EHBP1: variants seen among roughly 807,000 people sequenced by gnomAD.
The protein encoded by EHBP1 is EH domain binding protein 1.
Under a neutral mutation model 144.0 loss-of-function variants are expected in EHBP1, and 55 were observed. That is an observed-to-expected ratio of 0.38 (90% confidence interval 0.31 to 0.48). The LOEUF is 0.48. Ranked by LOEUF, EHBP1 falls within the 20% of genes least tolerant of loss-of-function variation. The pLI is 0.98. For missense variants in EHBP1, 1,200 were observed against 1,364.2 expected (o/e 0.88, Z 1.90); for synonymous variants, 469 against 472.7 (o/e 0.99, Z 0.10).
chr2:63,032,003 C>T (rs187475566), intron 19 of EHBP1, among the ~76,000 whole-genome samples: 2 of 151,918 alleles, frequency 1.3e-5, no homozygotes, highest in African/African-American at 4.8e-5. Context: ...TATTTTTTTC[C>T]GTAATGACTA....
chr2:62,695,956 T>TCCTG (rs201613251), intron 1 of EHBP1, among the ~76,000 whole-genome samples: 4,724 of 152,188 alleles, frequency 0.031, 116 homozygotes, highest in Middle Eastern at 0.095. Context: ...TAAGTGATCC[T>TCCTG]CCTGCCTCAG....
intron 10 of EHBP1, among the ~76,000 whole-genome samples, chr2:62,935,365 A>ATC (rs1553479037): frequency 1.1e-4 from 16 of 146,046 alleles, no homozygotes; most frequent in Non-Finnish European, 1.2e-4. Context: ...ATATATATAT[A>ATC]TCCATCTCTT....
At chr2:62,817,014 A>G (rs548340983) in intron 5 of EHBP1, among the ~76,000 whole-genome samples, 43 of 152,330 alleles carry the variant, frequency 2.8e-4, no homozygotes, top group African/African-American at 9.1e-4. Flanking sequence ...GAGAGGTATT[A>G]TAAAGGAATG....
intron 5 of EHBP1, among the ~76,000 whole-genome samples, chr2:62,819,415 G>A (rs886927980): frequency 5.9e-5 from 9 of 152,258 alleles, no homozygotes; most frequent in African/African-American, 1.7e-4. Flanking sequence ...TATTGTGCAT[G>A]TGTACCAGGA....
At position 63,045,444 on chromosome 2, in the gene EHBP1, C is replaced by G; in HGVS notation, c.3427C>G (p.Leu1143Val). Residue 1143 changes from leucine (L) to valine (V), a missense_variant, in exon 23 of 23, where the codon CTG becomes GTG. Coordinates refer to ENST00000431489, the MANE Select transcript of EHBP1 (RefSeq NM_001142616.3). This position sits in a 1 kb window ranked among gnomAD's most constrained non-coding sequence, Gnocchi z 5.7. ...AGAAGATGAGCATTTGGAGCGAACT[C>G]TGGAGCAAAACAAAGGCAAGATGGC... ...EEEDEHLERTLEQNKGKMAKK... is the reference protein window; with the variant it reads ...EEEDEHLERTVEQNKGKMAKK... 2 of 1,614,182 alleles carry G rather than the reference C, an allele frequency of 1.2e-6. No individual in the cohort carries two copies. The highest frequency in any genetic ancestry group is 1.3e-5 in the African/African-American group (1 of 75,056).
intron 5 of EHBP1, among the ~76,000 whole-genome samples, chr2:62,825,822 C>T (rs1161236613): frequency 1.3e-5 from 2 of 151,984 alleles, no homozygotes; most frequent in African/African-American, 2.4e-5. Context: ...TTCCTTGCTT[C>T]TCCTTTTCTG....
intron 3 of EHBP1, among the ~76,000 whole-genome samples, chr2:62,754,012 C>T (rs752184370): frequency 1.4e-4 from 22 of 152,184 alleles, no homozygotes; most frequent in Middle Eastern, 3.2e-3. Context: ...CATGATCCGT[C>T]CAGGTTTGTT....
intron 19 of EHBP1, among the ~76,000 whole-genome samples, chr2:63,020,451 C>T (rs1014086357): frequency 1.3e-5 from 2 of 149,498 alleles, no homozygotes; most frequent in East Asian, 2.0e-4. Flanking sequence ...TGCAATGACC[C>T]GAGATTGTAC....
At chr2:62,901,151 G>A (rs1043151519) in intron 10 of EHBP1, among the ~76,000 whole-genome samples, 2 of 152,036 alleles carry the variant, frequency 1.3e-5, no homozygotes, top group Non-Finnish European at 2.9e-5. Flanking sequence ...TTTTTAACTT[G>A]GACATAAGAT....
intron 15 of EHBP1, among the ~76,000 whole-genome samples, chr2:62,980,747 G>A (rs2058927324): frequency 6.6e-6 from 1 of 151,698 alleles, no homozygotes; most frequent in African/African-American, 2.4e-5. Context: ...GGGAGGCCAA[G>A]GTGGGAGGAT....
At chr2:62,859,738 G>A (rs948867866) in intron 8 of EHBP1, among the ~76,000 whole-genome samples, 22 of 152,108 alleles carry the variant, frequency 1.4e-4, no homozygotes, top group African/African-American at 4.8e-4. Flanking sequence ...CAGAGAGTAG[G>A]TTAAGAACCG....
In EHBP1 at chr2:62,826,189, A is replaced by C; in HGVS notation, c.415A>C (p.Lys139Gln). 1.2e-6 allele frequency: 2 copies of C among 1,611,950 alleles called. No homozygotes were observed. Among genetic ancestry groups the C allele is most frequent in the Non-Finnish European group, 1.7e-6 (2 of 1,179,010 alleles). ...TCAGACTGATGTCAAGTTAAAATTCAAGCCATTATCTAAAAAAGTTGTATC... is the reference window on the plus strand; with the variant it reads ...TCAGACTGATGTCAAGTTAAAATTCCAGCCATTATCTAAAAAAGTTGTATC... Reference protein sequence around the residue: ...PTQTDVKLKFKPLSKKVVSAA... With the variant: ...PTQTDVKLKFQPLSKKVVSAA... Residue 139 changes from lysine (K) to glutamine (Q), a missense_variant, in exon 6 of 23, where the codon AAG (lysine) becomes CAG (glutamine). By Grantham distance (53) the Lys-to-Gln change is moderately conservative (BLOSUM62 1). Transcript: ENST00000431489.
chr2:62,787,379 C>T (rs1216546068), intron 5 of EHBP1, among the ~76,000 whole-genome samples: 4 of 144,170 alleles, frequency 2.8e-5, no homozygotes, highest in African/African-American at 1.0e-4. Context: ...CTGCACCACC[C>T]CACACTGCAC....
At chr2:62,749,455 T>A (rs1293477311) in intron 3 of EHBP1, among the ~76,000 whole-genome samples, 2 of 152,222 alleles carry the variant, frequency 1.3e-5, no homozygotes, top group African/African-American at 2.4e-5. Context: ...TACATGTGCA[T>A]GTGTCTTTAT....
intron 2 of EHBP1, among the ~76,000 whole-genome samples, chr2:62,732,260 G>A (rs989842455): frequency 6.6e-6 from 1 of 152,042 alleles, no homozygotes; most frequent in Non-Finnish European, 1.5e-5. Flanking sequence ...TAGATCTGTG[G>A]TTTGGTGTCT....
At chr2:62,732,756 C>G (rs970133849) in intron 2 of EHBP1, among the ~76,000 whole-genome samples, 4 of 152,176 alleles carry the variant, frequency 2.6e-5, no homozygotes, top group African/African-American at 9.7e-5. Flanking sequence ...ATATTTATAG[C>G]AGTAGGGAAC....
upstream of EHBP1, among the ~76,000 whole-genome samples, chr2:62,704,676 T>A (rs147923083): frequency 8.1e-4 from 124 of 152,356 alleles, 2 homozygotes; most frequent in African/African-American, 2.7e-3. Context: ...ATTCCTTAGA[T>A]GCTAGGATTC....
At chr2:62,706,777 T>G (rs2034629035) in intron 1 of EHBP1, 120 bp from the exon 2 acceptor site, 1 of 167,894 alleles carries the variant, frequency 6.0e-6, no homozygotes, top group African/African-American at 2.4e-5. Flanking sequence ...TTTCATTGTT[T>G]AAAAGACATG....
intron 5 of EHBP1, among the ~76,000 whole-genome samples, chr2:62,810,169 T>C (rs2044867761): frequency 6.6e-6 from 1 of 152,268 alleles, no homozygotes; most frequent in Admixed American, 6.5e-5. Context: ...GGTAAAGTTT[T>C]AAGGGATTCT....
Sources: gnomAD v4.1 joint callset for allele counts (sites outside exome capture counted in the v4.1 genomes callset) on GRCh38, gnomAD v4.1.1 for gene constraint, Gnocchi (gnomAD v3.1) non-coding constraint, MANE v1.5 for transcripts, NCBI Gene and HGNC (gene_info 2026-07-23, HGNC 2026-07-21) for gene names.